PDE2A: variants seen among roughly 807,000 people sequenced by gnomAD.
PDE2A encodes cGMP-dependent 3',5'-cyclic phosphodiesterase.
In PDE2A, 53 loss-of-function variants were observed where a neutral mutation model predicts 133.6. The observed-to-expected ratio is 0.40, with a 90% CI of 0.32 to 0.50. The LOEUF (loss-of-function observed/expected upper bound fraction) is 0.50. Ranked by LOEUF, PDE2A falls within the 20% of genes least tolerant of loss-of-function variation. The probability of loss-of-function intolerance (pLI) is 0.73; values close to 1 mark genes in which losing one functional copy is unlikely to be tolerated. For synonymous variants in PDE2A, 491 were observed against 490.2 expected, an observed-to-expected ratio of 1.00 and a Z score of -0.02; for missense variants, 796 against 1,232.4, an observed-to-expected ratio of 0.65 and a Z score of 5.30.
rs1856562258 is a variant in PDE2A at position 72,597,944 on chromosome 11, C to T, written c.324-325G>A. Among the ~76,000 whole-genome samples, 1 of 152,112 alleles carries T rather than the reference C, an allele frequency of 6.6e-6. No individual in the cohort carries two copies. The highest frequency in any genetic ancestry group is 2.1e-4 in the South Asian group (1 of 4,824). ...AGCTAGGCTGCCTGCTACAATCTGA[C>T]CTTAGGCACATGACCTGACCTCTCT... is the stretch of plus-strand genomic sequence containing the variant. On this transcript the variant is annotated intron_variant, in intron 4 of 30. Coordinates refer to ENST00000334456, the MANE Select transcript of PDE2A (RefSeq NM_002599.5). The surrounding 1 kb of genome is among the most constrained non-coding windows in gnomAD (Gnocchi z 4.6).
At chr11:72,628,633 T>C (rs571944434) in intron 2 of PDE2A, among the ~76,000 whole-genome samples, 16 of 152,332 alleles carry the variant, frequency 1.1e-4, no homozygotes, top group African/African-American at 2.9e-4. Context: ...CCGGCAGTGA[T>C]AGACGTTCTT....
At chr11:72,591,630 G>A (rs755380649) in intron 6 of PDE2A, among the ~76,000 whole-genome samples, 5 of 152,196 alleles carry the variant, frequency 3.3e-5, no homozygotes, top group Non-Finnish European at 5.9e-5. Flanking sequence ...CCGGGTGTAT[G>A]GTTCAGGGGA....
intron 1 of PDE2A, among the ~76,000 whole-genome samples, chr11:72,650,738 A>G (rs537313234): frequency 7.2e-5 from 11 of 152,160 alleles, no homozygotes; most frequent in Non-Finnish European, 1.5e-4. Flanking sequence ...GCAGCCACCC[A>G]GAGCCCTGCC....
chr11:72,653,701 G>A (rs1591132359), intron 1 of PDE2A, among the ~76,000 whole-genome samples: 1 of 152,234 alleles, frequency 6.6e-6, no homozygotes. Flanking sequence ...CAAGGGCACC[G>A]AGGCCACCAG....
intron 20 of PDE2A, among the ~76,000 whole-genome samples, chr11:72,582,871 GTCC>G (rs1381002750): frequency 6.6e-6 from 1 of 152,176 alleles, no homozygotes; most frequent in Non-Finnish European, 1.5e-5. Flanking sequence ...AACTGTAGCA[GTCC>G]TCCTTTTGTG....
At chr11:72,585,328 G>A in intron 16 of PDE2A, 43 bp downstream of exon 16, 1 of 1,546,586 alleles carries the variant, frequency 6.5e-7, no homozygotes, top group Non-Finnish European at 8.9e-7. Flanking sequence ...GGGACTGAAG[G>A]CCACAGCCTC....
At chr11:72,591,436 A>T in intron 6 of PDE2A, 80 bp from the exon 7 acceptor site, 1 of 1,048,782 alleles carries the variant, frequency 9.5e-7, no homozygotes, top group Admixed American at 1.7e-5. Flanking sequence ...CATGCGCAGC[A>T]CACACTGGTC....
rs753261190 is a variant in PDE2A, at chr11:72,584,982, A to C, written c.1287-38T>G. On this transcript the variant is annotated intron_variant, in intron 16 of 30. Transcript: ENST00000334456. ...GGGTTTGGTCCTCTGGGGCCTGACA[A>C]CCCCCTCTGATCGCCCTCACGTCCC... 9 of 1,595,646 alleles carry C rather than the reference A, an allele frequency of 5.6e-6. 1 individual carries two copies. The Admixed American group carries it at 1.0e-4, about 18-fold the overall frequency.
chr11:72,652,812 A>G (rs527319311), intron 1 of PDE2A: 15 of 431,700 alleles, frequency 3.5e-5, no homozygotes, highest in Admixed American at 7.5e-5. Flanking sequence ...TGACTTGGGG[A>G]AAAGAGCCCA....
chr11:72,585,350 C>A, intron 16 of PDE2A, 21 bp downstream of exon 16: 1 of 1,608,170 alleles, frequency 6.2e-7, no homozygotes, highest in Non-Finnish European at 8.5e-7. Flanking sequence ...CTCGCCCTGT[C>A]CCCTGGGTAG....
At chr11:72,615,250 A>C in intron 2 of PDE2A, 1 of 294,060 alleles carries the variant, frequency 3.4e-6, no homozygotes, top group Non-Finnish European at 8.3e-6. Flanking sequence ...GCCCTTCCCA[A>C]GCCAGTCCCA....
chr11:72,608,514 C>A lies in PDE2A; in HGVS notation c.234+148G>T. 3 of 561,406 alleles carry A rather than the reference C, an allele frequency of 5.3e-6. 1 individual carries two copies. The South Asian group carries it at 7.2e-5, about 13-fold the overall frequency. 34.8% of individuals were successfully genotyped at this position (561,406 alleles called of 1,614,324 possible). A position where few individuals can be genotyped will look rare whatever the true frequency, so the allele number is the denominator to read the frequency against. On this transcript the variant is annotated intron_variant, in intron 3 of 30. Coordinates refer to ENST00000334456, the MANE Select transcript of PDE2A (RefSeq NM_002599.5). ...CTCCAGAAAGCTGTCTCAGAACACC[C>A]ATCCAGACCCTTCACTTCCCCATGA...
In PDE2A at chr11:72,581,878, G is replaced by T; in HGVS notation, c.1921C>A (p.Arg641=). The change falls in exon 22 of 31, where the codon CGG becomes AGG. Residue 641 remains arginine, a splice_region_variant and synonymous_variant. Transcript: ENST00000334456. ...GGGGCTGTCTGTGGGCGCACGAACC[G>T]GGCCAGGGTCGGGCAGTCAATTTTG... The part of the protein sequence containing the change: ...NYKIDCPTLA[R]FCLMVKKGYR... The T allele has an allele frequency of 6.2e-7, 1 of 1,613,712 alleles. No homozygotes were observed. Among genetic ancestry groups the T allele is most frequent in the Non-Finnish European group, 8.5e-7 (1 of 1,179,700 alleles).
chr11:72,651,594 T>A (rs1854742927), intron 1 of PDE2A, among the ~76,000 whole-genome samples: 1 of 152,144 alleles, frequency 6.6e-6, no homozygotes, highest in Non-Finnish European at 1.5e-5. Flanking sequence ...AAACTGGGGA[T>A]CAACTGGCCT....
At chr11:72,598,961 G>T in intron 4 of PDE2A, 1 of 985,366 alleles carries the variant, frequency 1.0e-6, no homozygotes, top group Non-Finnish European at 1.2e-6. Flanking sequence ...GAGGGACGTA[G>T]GGTGGCAGGA....
Position 72,582,573 on chromosome 11 carries a change from G to T in PDE2A, c.1729-7C>A, listed in dbSNP as rs1488418630. The T allele has an allele frequency of 1.9e-6, 3 of 1,608,982 alleles. No homozygotes were observed. The highest frequency in any genetic ancestry group is 2.5e-6 in the Non-Finnish European group (3 of 1,177,210). Reference sequence around the variant, plus strand: ...TATACTCATCATCGGAGACCTAGAGGAGACCAGCCAGAGCATTAGAAGACA... The same window carrying T: ...TATACTCATCATCGGAGACCTAGAGTAGACCAGCCAGAGCATTAGAAGACA... On this transcript the variant is annotated splice_region_variant and splice_polypyrimidine_tract_variant and intron_variant, in intron 20 of 30. Coordinates refer to ENST00000334456, the MANE Select transcript of PDE2A (RefSeq NM_002599.5).
intron 2 of PDE2A, among the ~76,000 whole-genome samples, chr11:72,611,318 G>C (rs957537306): frequency 1.3e-5 from 2 of 152,166 alleles, no homozygotes; most frequent in African/African-American, 2.4e-5. Context: ...AGCAGAGCCA[G>C]GTCCAGAACC....
rs914337880 is a variant in PDE2A, at chr11:72,582,359, C to G, written c.1851+85G>C. On this transcript the variant is annotated intron_variant, in intron 21 of 30. Transcript: ENST00000334456. ...AGCCTTCCTTGATGACTCTGTCTTC[C>G]CAGGAAGTTCTTGATGCGCATTTAA... The G allele has an allele frequency of 3.0e-6, 4 of 1,348,006 alleles. No individual in the cohort carries two copies. The African/African-American group carries it at 4.3e-5, about 15-fold the overall frequency. 83.5% of individuals were successfully genotyped at this position (1,348,006 alleles called of 1,614,324 possible).
At chr11:72,614,947 G>A (rs1481947603) in intron 2 of PDE2A, 2 of 345,100 alleles carry the variant, frequency 5.8e-6, no homozygotes, top group Non-Finnish European at 1.4e-5. Flanking sequence ...ACCTGCCAGA[G>A]ACCTTTCCTC....
Sources: allele counts gnomAD v4.1 joint callset (sites outside exome capture counted in the v4.1 genomes callset), GRCh38; gene constraint gnomAD v4.1.1; non-coding constraint Gnocchi (gnomAD v3.1); transcripts MANE v1.5; gene names NCBI Gene and HGNC (gene_info 2026-07-23, HGNC 2026-07-21).